Variants in ANKS1B observed in about 807,000 individuals in gnomAD.
The protein encoded by ANKS1B is ankyrin repeat and sterile alpha motif domain containing 1B, also known as ankyrin repeat and sterile alpha motif domain-containing protein 1B.
In ANKS1B, 36 loss-of-function variants were observed where a neutral mutation model predicts 148.3. The observed-to-expected ratio is 0.24, with a 90% confidence interval of 0.19 to 0.32. The LOEUF is 0.32. ANKS1B is among the 10% of genes least tolerant of loss of function. The pLI is 1.00. For missense variants in ANKS1B, 1,157 were observed against 1,542.6 expected (o/e 0.75, Z 4.19); for synonymous variants, 542 against 560.8 (o/e 0.97, Z 0.47).
intron 17 of ANKS1B, among the ~76,000 whole-genome samples, chr12:98,891,796 G>C (rs2099753309): frequency 6.6e-6 from 1 of 151,946 alleles, no homozygotes; most frequent in Admixed American, 6.6e-5. Context: ...AAATTAAATA[G>C]CAAACACTTA....
At chr12:99,222,231 T>C (rs2085238865) in intron 14 of ANKS1B, among the ~76,000 whole-genome samples, 1 of 152,166 alleles carries the variant, frequency 6.6e-6, no homozygotes, top group Non-Finnish European at 1.5e-5. Flanking sequence ...GGTTGCCTAT[T>C]GGGAAGAGAA....
At chr12:99,549,040 A>G (rs1475812826) in intron 9 of ANKS1B, among the ~76,000 whole-genome samples, 2 of 152,224 alleles carry the variant, frequency 1.3e-5, no homozygotes, top group Non-Finnish European at 2.9e-5. Flanking sequence ...GGGGGTGACT[A>G]GCAATTTACC....
chr12:99,915,879 T>C (rs1034328124), intron 1 of ANKS1B, among the ~76,000 whole-genome samples: 1 of 152,202 alleles, frequency 6.6e-6, no homozygotes, highest in African/African-American at 2.4e-5. Context: ...TTTTCTGGCA[T>C]TCTGTTGCGT....
At chr12:99,063,119 A>G (rs1367768523) in intron 16 of ANKS1B, among the ~76,000 whole-genome samples, 1 of 152,148 alleles carries the variant, frequency 6.6e-6, no homozygotes. Context: ...GATATCCCTG[A>G]TGTGCCAGGC....
chr12:99,631,250 C>A (rs1406020562), intron 9 of ANKS1B, among the ~76,000 whole-genome samples: 1 of 152,060 alleles, frequency 6.6e-6, no homozygotes, highest in African/African-American at 2.4e-5. Flanking sequence ...AATTTATTTT[C>A]TTTATAAATT....
At chr12:99,292,178 C>T (rs2080096369) in intron 12 of ANKS1B, among the ~76,000 whole-genome samples, 1 of 151,860 alleles carries the variant, frequency 6.6e-6, no homozygotes, top group South Asian at 2.1e-4. Flanking sequence ...AACTAAAGAG[C>T]TTCTGCACGG....
At chr12:98,850,957 G>A (rs2099521553) in intron 17 of ANKS1B, among the ~76,000 whole-genome samples, 1 of 152,138 alleles carries the variant, frequency 6.6e-6, no homozygotes, top group Non-Finnish European at 1.5e-5. Flanking sequence ...AAACACTAAA[G>A]GAAGAGGGCT....
At chr12:98,758,280 A>C (rs979319032) in intron 25 of ANKS1B, among the ~76,000 whole-genome samples, 3 of 152,224 alleles carry the variant, frequency 2.0e-5, no homozygotes, top group Admixed American at 1.3e-4. Context: ...TCATGAAGTC[A>C]GCACCCAGAC....
chr12:99,630,595 G>A (rs1280820825), intron 9 of ANKS1B, among the ~76,000 whole-genome samples: 1 of 152,210 alleles, frequency 6.6e-6, no homozygotes, highest in Non-Finnish European at 1.5e-5. Flanking sequence ...GTTTATGAGA[G>A]ATGCTGTAGA....
chr12:99,195,556 C>A (rs750088368), intron 14 of ANKS1B, among the ~76,000 whole-genome samples: 14 of 151,882 alleles, frequency 9.2e-5, no homozygotes, highest in Non-Finnish European at 1.9e-4. Context: ...AATGGAAATG[C>A]CTCAGAAAGT....
intron 9 of ANKS1B, among the ~76,000 whole-genome samples, chr12:99,612,626 T>A (rs1327667067): frequency 6.6e-6 from 1 of 152,132 alleles, no homozygotes; most frequent in Non-Finnish European, 1.5e-5. Flanking sequence ...CATTTCATTA[T>A]GCTTATTTAA....
intron 18 of ANKS1B, chr12:98,831,798 G>A: frequency 1.9e-6 from 1 of 522,818 alleles, no homozygotes; most frequent in East Asian, 3.3e-5. Flanking sequence ...GCCCAGGCTG[G>A]AGTGCAGTGG....
chr12:98,886,249 C>T (rs61932188), intron 17 of ANKS1B, among the ~76,000 whole-genome samples: 4,626 of 152,000 alleles, frequency 0.03, 102 homozygotes, highest in Non-Finnish European at 0.046. Context: ...TATTGTGGAC[C>T]TAAGGAAGCA....
At chr12:99,047,755 T>C (rs2099963455) in intron 17 of ANKS1B, among the ~76,000 whole-genome samples, 1 of 152,152 alleles carries the variant, frequency 6.6e-6, no homozygotes, top group South Asian at 2.1e-4. Context: ...AAATGAAGTA[T>C]TTTTCAGACA....
At chr12:99,714,427 T>G (rs2057032702) in intron 8 of ANKS1B, among the ~76,000 whole-genome samples, 2 of 152,230 alleles carry the variant, frequency 1.3e-5, no homozygotes, top group South Asian at 4.1e-4. Context: ...AGATTGAAGT[T>G]TTGTCACAAC....
intron 15 of ANKS1B, among the ~76,000 whole-genome samples, chr12:99,122,387 G>A (rs2063116035): frequency 6.6e-6 from 1 of 152,084 alleles, no homozygotes; most frequent in Admixed American, 6.6e-5. Flanking sequence ...TTGCTTAACT[G>A]AAACTCTATC....
chr12:99,126,670 T>C (rs2153740167), intron 15 of ANKS1B, among the ~76,000 whole-genome samples: 1 of 152,334 alleles, frequency 6.6e-6, no homozygotes, highest in East Asian at 1.9e-4. Flanking sequence ...TCTACGCCAG[T>C]TCGACATTTA....
chr12:99,548,829 T>C (rs901157656), intron 9 of ANKS1B, among the ~76,000 whole-genome samples: 14 of 152,190 alleles, frequency 9.2e-5, no homozygotes, highest in Non-Finnish European at 1.9e-4. Flanking sequence ...ATTCAGTCAT[T>C]AGAAGTTGCG....
At chr12:99,504,800 AAT>A in intron 9 of ANKS1B, 159 bp from the exon 10 acceptor site, 1 of 576,890 alleles carries the variant, frequency 1.7e-6, no homozygotes, top group Non-Finnish European at 2.9e-6. Flanking sequence ...ATGTAAACCC[AAT>A]ATCAGTGATA....
Sources: allele counts gnomAD v4.1 joint callset (sites outside exome capture counted in the v4.1 genomes callset), GRCh38; gene constraint gnomAD v4.1.1; transcripts MANE v1.5; gene names NCBI Gene and HGNC (gene_info 2026-07-23, HGNC 2026-07-21).